Variants in MICALL2 observed in about 807,000 individuals in gnomAD.
MICALL2 encodes the protein MICAL like 2.
In MICALL2, 111 loss-of-function variants were observed where a neutral mutation model predicts 91.1. That is an observed-to-expected ratio of 1.22 (90% CI 1.04 to 1.43). The LOEUF is 1.43. MICALL2 is among the 40% of genes most tolerant of loss of function. MICALL2 has a pLI of 0.00. For missense variants in MICALL2, 1,556 were observed against 1,236.0 expected (o/e 1.26, Z -3.88); for synonymous variants, 694 against 525.3 (o/e 1.32, Z -4.39).
chr7:1,442,143 C>T, intron 7 of MICALL2, 49 bp downstream of exon 7: 2 of 1,597,016 alleles, frequency 1.3e-6, no homozygotes, highest in Non-Finnish European at 1.7e-6. Flanking sequence ...GGGGAGAGTC[C>T]CAGAGCTGCG....
Position 1,438,973 on chromosome 7 carries a change from G to A in MICALL2, c.1989C>T (p.Arg663=). 6.3e-7 allele frequency: 1 copy of A among 1,597,858 alleles called. No homozygotes were observed. Among genetic ancestry groups the A allele is most frequent in the Non-Finnish European group, 8.5e-7 (1 of 1,177,886 alleles). Residue 663 remains arginine (R), a synonymous_variant, in exon 10 of 17, where the codon CGC becomes CGT. Coordinates refer to ENST00000297508, the MANE Select transcript of MICALL2 (RefSeq NM_182924.4). ...TGGCAGGGACGGCCAGTCTCCTGCG[G>A]CGGGGTGGGGAGGGGGACCTGGCTG... ...SLPARSPSPP[R]RRRLAVPASL... is the part of the protein sequence containing the mutation.
intron 15 of MICALL2, among the ~76,000 whole-genome samples, chr7:1,436,500 CCAAGATCGCACCACTGCA>C (rs1384888408): frequency 1.3e-5 from 2 of 149,972 alleles, no homozygotes; most frequent in Non-Finnish European, 2.9e-5. Context: ...TTGCAGTGAG[CCAAGATCGCACCACTGCA>C]CTCCAGCCTG....
In MICALL2 at chr7:1,438,111, C is replaced by A; in HGVS notation, c.2297G>T (p.Arg766Leu). 1 of 1,564,526 alleles carries A rather than the reference C, an allele frequency of 6.4e-7. No homozygotes were observed. Among genetic ancestry groups the A allele is most frequent in the East Asian group, 2.4e-5 (1 of 42,286 alleles). Residue 766 changes from arginine to leucine, a missense_variant, in exon 12 of 17, where the codon CGG (arginine) becomes CTG (leucine). Transcript: ENST00000297508. The stretch of plus-strand genomic sequence containing the variant: ...GAGGCGCTCACCTCCCTCGGCCGCC[C>A]GCAGTCGCTTCTCCAGCTCCACGCC... ...LRGVELEKRL[R>L]AAEGDDAEDS...
rs1554265808 is a variant in MICALL2 at position 1,437,518 on chromosome 7, G to GCGCGCGGGGGGCGCGCGGGGGA, written c.2476+16_2476+17insTCCCCCGCGCGCCCCCCGCGCG. The GCGCGCGGGGGGCGCGCGGGGGA allele has an allele frequency of 2.0e-6, 3 of 1,509,878 alleles. No individual in the cohort carries two copies. In the African/African-American group the frequency reaches 4.3e-5, roughly 22 times the overall value. 93.5% of individuals were successfully genotyped at this position (1,509,878 alleles called of 1,614,324 possible). On this transcript the variant is annotated intron_variant, in intron 14 of 16. Transcript: ENST00000297508. ...ATCCCTGGCTGGGGCCCCTTGGCTG[G>GCGCGCGGGGGGCGCGCGGGGGA]CGCGCGGGGGACGCACCGGGCTTGG...
chr7:1,440,175 C>A, intron 8 of MICALL2, 90 bp from the exon 9 acceptor site: 1 of 1,490,816 alleles, frequency 6.7e-7, no homozygotes, highest in South Asian at 1.3e-5. Context: ...GCAGACCAGC[C>A]GGAGGGAGCA....
At position 1,452,454 on chromosome 7, in the gene MICALL2, C is replaced by T. The variant is rs116004823; in HGVS notation, c.144-2166G>A. ...CTCCCCGCCCCCAGCCCTTTGAAAGCTCAAGCTCTTCTGCAGACCTTCCCT... is the reference window on the plus strand; with the variant it reads ...CTCCCCGCCCCCAGCCCTTTGAAAGTTCAAGCTCTTCTGCAGACCTTCCCT... On this transcript the variant is annotated intron_variant, in intron 1 of 16. Coordinates refer to ENST00000297508, the MANE Select transcript of MICALL2 (RefSeq NM_182924.4). The surrounding 1 kb of genome is among the most constrained non-coding windows in gnomAD (Gnocchi z 6.2). Among the ~76,000 whole-genome samples, 436 of 152,258 alleles carry T rather than the reference C, an allele frequency of 2.9e-3. No homozygotes were observed. Among genetic ancestry groups the T allele is most frequent in the African/African-American group, 9.4e-3 (391 of 41,548 alleles).
chr7:1,440,157 G>GCT, intron 8 of MICALL2, 72 bp from the exon 9 acceptor site: 1 of 1,537,396 alleles, frequency 6.5e-7, no homozygotes, highest in Non-Finnish European at 8.7e-7. Context: ...GGGGCTCCCA[G>GCT]GCCATATGCA....
At chr7:1,435,467 G>T (rs1264783937) in intron 15 of MICALL2, among the ~76,000 whole-genome samples, 1 of 151,654 alleles carries the variant, frequency 6.6e-6, no homozygotes, top group Non-Finnish European at 1.5e-5. Context: ...GGAGGGCCTG[G>T]GCCGACCACA....
intron 1 of MICALL2, chr7:1,450,636 C>G (rs922326935): frequency 4.2e-6 from 1 of 237,876 alleles, no homozygotes; most frequent in Non-Finnish European, 8.4e-6. Flanking sequence ...CAGCTCAGCT[C>G]GGAGGGGGCT....
intron 9 of MICALL2, chr7:1,439,357 T>C: frequency 4.0e-6 from 1 of 247,022 alleles, no homozygotes; most frequent in South Asian, 9.6e-5. Context: ...TGCATCACAT[T>C]CATGAAACAG....
chr7:1,443,763 C>A (rs1181487953), intron 6 of MICALL2, among the ~76,000 whole-genome samples: 1 of 152,202 alleles, frequency 6.6e-6, no homozygotes, highest in Non-Finnish European at 1.5e-5. Flanking sequence ...TAGTGCCCTG[C>A]AAGGGGACGC....
At chr7:1,436,906 C>CT in intron 14 of MICALL2, 50 bp from the exon 15 acceptor site, 2 of 1,364,082 alleles carry the variant, frequency 1.5e-6, no homozygotes, top group Non-Finnish European at 2.0e-6. Context: ...TGCCATGCCC[C>CT]TCACAGGACA....
At chr7:1,440,886 G>GT in intron 7 of MICALL2, 1 of 565,728 alleles carries the variant, frequency 1.8e-6, no homozygotes, top group African/African-American at 1.9e-5. Context: ...TGTGCTGTGT[G>GT]TCCCTGGGGG....
rs1780777123 is a variant in MICALL2 at position 1,450,256 on chromosome 7, T to C, written c.176A>G (p.Tyr59Cys). Residue 59 changes from tyrosine to cysteine, a missense_variant, in exon 2 of 17, where the codon TAT (tyrosine) becomes TGT (cysteine). Transcript: ENST00000297508. The stretch of plus-strand genomic sequence containing the variant: ...GCCACTCACCAGTTTATTGTTTTCA[T>C]AAATATTTTCCTTCTTGAGAGCACT... ...NFSALKKENI[Y>C]ENNKLAFRVA... 2 of 1,612,900 alleles carry C rather than the reference T, an allele frequency of 1.2e-6. No homozygotes were observed. Among genetic ancestry groups the C allele is most frequent in the Non-Finnish European group, 1.7e-6 (2 of 1,179,876 alleles).
At chr7:1,437,828 G>A (rs1780048757) in intron 13 of MICALL2, 62 bp downstream of exon 13, 1 of 1,462,770 alleles carries the variant, frequency 6.8e-7, no homozygotes, top group Non-Finnish European at 9.4e-7. Flanking sequence ...TCCCCCGCCT[G>A]GCCTGCCCAG....
intron 4 of MICALL2, among the ~76,000 whole-genome samples, chr7:1,447,260 C>T (rs2128523523): frequency 6.6e-6 from 1 of 152,288 alleles, no homozygotes; most frequent in Non-Finnish European, 1.5e-5. Context: ...TCTGCAGAGC[C>T]GGCCTTGGGT....
rs1189890745 is a variant in MICALL2, at chr7:1,444,911, G to A, written c.1159C>T (p.Pro387Ser). The A allele has an allele frequency of 1.4e-5, 22 of 1,551,126 alleles. No individual in the cohort carries two copies. Among genetic ancestry groups the A allele is most frequent in the Non-Finnish European group, 1.7e-5 (20 of 1,152,732 alleles). The change falls in exon 6 of 17, where the codon CCT becomes TCT. Residue 387 changes from proline (P) to serine (S), a missense_variant. Physicochemically the swap from Pro to Ser is moderately conservative, Grantham distance 74. Transcript: ENST00000297508. Reference sequence around the variant, plus strand: ...GAGCTTGAACTGAGTGTGGTTTGAGGAGCTGCCACTCGGGGGGCTCCCCCA... The same window carrying A: ...GAGCTTGAACTGAGTGTGGTTTGAGAAGCTGCCACTCGGGGGGCTCCCCCA... ...QGGGAPRVAAPQTTLSSSSTS... is the reference protein window; with the variant it reads ...QGGGAPRVAASQTTLSSSSTS...
At position 1,442,338 on chromosome 7, in the gene MICALL2, G is replaced by A. The variant is rs149451475; in HGVS notation, c.1565C>T (p.Thr522Met). 1.4e-4 allele frequency: 231 copies of A among 1,613,086 alleles called. No homozygotes were observed. In the South Asian group the frequency reaches 1.9e-3, roughly 13 times the overall value. The change falls in exon 7 of 17, where the codon ACG becomes ATG. Residue 522 changes from threonine (T) to methionine (M), a missense_variant. Physicochemically the swap from Thr to Met is moderately conservative, Grantham distance 81 (BLOSUM62 -1). Transcript: ENST00000297508. ...CGCGGATGCCTGAGAGGTACTGCTCGTGCTCAGCGGGGCTGGCGGTTCCAT... is the reference window on the plus strand; with the variant it reads ...CGCGGATGCCTGAGAGGTACTGCTCATGCTCAGCGGGGCTGGCGGTTCCAT... ...SRMEPPAPLS[T>M]SSTSQASALP... is the part of the protein sequence containing the mutation.
At chr7:1,443,191 G>GC (rs901342858) in intron 6 of MICALL2, among the ~76,000 whole-genome samples, 6 of 144,316 alleles carry the variant, frequency 4.2e-5, no homozygotes, top group African/African-American at 7.7e-5. Flanking sequence ...AGCCACACAT[G>GC]CCCCCCGCCC....
Sources: gnomAD v4.1 joint callset for allele counts (sites outside exome capture counted in the v4.1 genomes callset) on GRCh38, gnomAD v4.1.1 for gene constraint, Gnocchi (gnomAD v3.1) non-coding constraint, MANE v1.5 for transcripts, NCBI Gene and HGNC (gene_info 2026-07-23, HGNC 2026-07-21) for gene names.